The following JAK2 variants were observed in gnomAD, a reference collection of about 807,000 sequenced individuals.
The protein encoded by JAK2 is Janus kinase 2.
A neutral mutation model predicts 139.3 loss-of-function variants in JAK2; 86 were observed. The ratio of observed to expected loss-of-function variants is 0.62; its 90% confidence interval spans 0.52 to 0.74. The LOEUF (loss-of-function observed/expected upper bound fraction) is 0.74, where lower values mean the gene tolerates loss of function less well. Ranked by LOEUF, JAK2 falls within the 30% of genes least tolerant of loss-of-function variation. The probability of loss-of-function intolerance (pLI) is 0.00; values close to 1 mark genes in which losing one functional copy is unlikely to be tolerated. For synonymous variants in JAK2, 490 were observed against 437.7 expected (o/e 1.12, Z -1.49); for missense variants, 1,421 against 1,360.3 (o/e 1.04, Z -0.70).
chr9:5,001,384 A>C (rs1315048652), intron 2 of JAK2, among the ~76,000 whole-genome samples: 2 of 152,082 alleles, frequency 1.3e-5, no homozygotes, highest in Non-Finnish European at 2.9e-5. Flanking sequence ...ATTTCCAGAA[A>C]TTTTATCATG....
At chr9:5,112,129 G>A (rs1461014412) in intron 22 of JAK2, 22 of 312,490 alleles carry the variant, frequency 7.0e-5, no homozygotes, top group Non-Finnish European at 1.2e-4. Flanking sequence ...CTGCAGCCAC[G>A]CCATGGGCAC....
chr9:5,066,157 T>G (rs1818554573), intron 9 of JAK2, among the ~76,000 whole-genome samples: 1 of 152,174 alleles, frequency 6.6e-6, no homozygotes, highest in African/African-American at 2.4e-5. Context: ...TGCTTTTCTT[T>G]CAGGGTGTGC....
chr9:5,033,604 G>T (rs1315671461), intron 4 of JAK2, among the ~76,000 whole-genome samples: 1 of 152,150 alleles, frequency 6.6e-6, no homozygotes, highest in African/African-American at 2.4e-5. Context: ...TTAAAGAAAA[G>T]AATTTTCAAC....
At chr9:5,095,951 T>C (rs561866139) in intron 22 of JAK2, among the ~76,000 whole-genome samples, 1 of 152,320 alleles carries the variant, frequency 6.6e-6, no homozygotes, top group Admixed American at 6.5e-5. Context: ...TTAACACCTA[T>C]AGTTTCACTA....
chr9:5,021,383 T>C (rs1440190482), intron 2 of JAK2, among the ~76,000 whole-genome samples: 2 of 152,216 alleles, frequency 1.3e-5, no homozygotes, highest in Non-Finnish European at 2.9e-5. Flanking sequence ...GTAACTGAGT[T>C]TAATGCTTGT....
chr9:5,012,763 G>A (rs1454735773), intron 2 of JAK2, among the ~76,000 whole-genome samples: 1 of 152,176 alleles, frequency 6.6e-6, no homozygotes, highest in Non-Finnish European at 1.5e-5. Context: ...TAATTTAGTA[G>A]TGGAAAGAGC....
chr9:4,993,745 A>G (rs1286874181), intron 2 of JAK2, among the ~76,000 whole-genome samples: 1 of 152,178 alleles, frequency 6.6e-6, no homozygotes, highest in Non-Finnish European at 1.5e-5. Context: ...GTTCCTGGCT[A>G]TATAGCAGGT....
intron 13 of JAK2, 98 bp from the exon 14 acceptor site, chr9:5,073,599 GT>G (rs1819119301): frequency 2.3e-6 from 2 of 869,514 alleles, no homozygotes; most frequent in East Asian, 4.9e-5. Context: ...CATGCTGAAA[GT>G]AGGAGAAAGT....
intron 2 of JAK2, 25 bp from the exon 3 acceptor site, chr9:5,021,938 G>A (rs780159914): frequency 2.8e-6 from 4 of 1,414,320 alleles, no homozygotes; most frequent in Non-Finnish European, 4.0e-6. Flanking sequence ...CAGCCCATTT[G>A]TAACTTTATT....
chr9:5,057,100 C>G (rs922778297), intron 8 of JAK2, among the ~76,000 whole-genome samples: 3 of 151,994 alleles, frequency 2.0e-5, no homozygotes, highest in African/African-American at 7.2e-5. Context: ...TTGTATTTCT[C>G]CTTGTATACA....
intron 2 of JAK2, among the ~76,000 whole-genome samples, chr9:5,010,471 C>A (rs10974911): frequency 0.24 from 36,358 of 151,902 alleles, 4,492 homozygotes; most frequent in African/African-American, 0.26. Context: ...CAGGCGTGTA[C>A]CACTATGCCC....
chr9:5,024,974 G>A (rs76015892), intron 3 of JAK2, among the ~76,000 whole-genome samples: 1 of 152,180 alleles, frequency 6.6e-6, no homozygotes, highest in Non-Finnish European at 1.5e-5. Flanking sequence ...GGGCTGGTGG[G>A]CAGGACATGG....
chr9:5,095,382 T>C (rs1235595586), intron 22 of JAK2, among the ~76,000 whole-genome samples: 1 of 152,184 alleles, frequency 6.6e-6, no homozygotes, highest in Non-Finnish European at 1.5e-5. Context: ...ATCTCCACTC[T>C]ACAGAAGCAG....
At chr9:5,015,134 A>G (rs983561307) in intron 2 of JAK2, among the ~76,000 whole-genome samples, 1 of 152,238 alleles carries the variant, frequency 6.6e-6, no homozygotes, top group Non-Finnish European at 1.5e-5. Flanking sequence ...CAACTGAGGA[A>G]CAGATTCTGT....
intron 2 of JAK2, among the ~76,000 whole-genome samples, chr9:5,008,322 A>G (rs1821455762): frequency 6.6e-6 from 1 of 152,214 alleles, no homozygotes; most frequent in African/African-American, 2.4e-5. Context: ...ACTTTCTAAA[A>G]TATTCCAGCT....
intron 4 of JAK2, among the ~76,000 whole-genome samples, chr9:5,039,586 A>G (rs992999388): frequency 6.6e-6 from 1 of 152,134 alleles, no homozygotes; most frequent in Non-Finnish European, 1.5e-5. Context: ...CATATTAAAA[A>G]TCCTAAGGAA....
chr9:5,106,445 G>A (rs565397695), intron 22 of JAK2, among the ~76,000 whole-genome samples: 6 of 152,168 alleles, frequency 3.9e-5, no homozygotes, highest in East Asian at 1.9e-4. Flanking sequence ...TCACACTGTT[G>A]GTGGGAGTAG....
In JAK2 at chr9:5,090,580, A is replaced by T. The variant is rs998325746; in HGVS notation, c.2886+10A>T. 6.4e-7 allele frequency: 1 copy of T among 1,559,780 alleles called. No individual in the cohort carries two copies. Among genetic ancestry groups the T allele is most frequent in the East Asian group, 2.3e-5 (1 of 43,840 alleles). On this transcript the variant is annotated intron_variant, in intron 21 of 24. Transcript: ENST00000381652. ...ATCTCAGATATGCAAGGTAACTAAT[A>T]TCCTGATTATTTGCTGTAGATGAAG... is the stretch of plus-strand genomic sequence containing the variant.
chr9:5,033,722 A>C (rs973614145), intron 4 of JAK2, among the ~76,000 whole-genome samples: 11 of 152,196 alleles, frequency 7.2e-5, no homozygotes, highest in Admixed American at 2.6e-4. Context: ...GCCTGCCCTA[A>C]AAGAGCTCCT....
Sources: allele counts gnomAD v4.1 joint callset (sites outside exome capture counted in the v4.1 genomes callset), GRCh38; gene constraint gnomAD v4.1.1; transcripts MANE v1.5; gene names NCBI Gene and HGNC (gene_info 2026-07-23, HGNC 2026-07-21).